Variants in AGMO observed in about 807,000 individuals in gnomAD.
AGMO encodes the protein alkylglycerol monooxygenase.
AGMO carries 75 observed loss-of-function variants against 60.2 expected under a neutral mutation model. That is an observed-to-expected ratio of 1.25 (90% confidence interval 1.03 to 1.51). The LOEUF is 1.51. Among genes scored for constraint, AGMO ranks in the 40% most tolerant of loss-of-function variants. AGMO has a pLI of 0.00. For synonymous variants in AGMO, 261 were observed against 177.1 expected (o/e 1.47, Z -3.76); for missense variants, 763 against 525.5 (o/e 1.45, Z -4.42).
At chr7:15,185,330 T>C in the AGMO span, among the ~76,000 whole-genome samples, 1 of 152,182 alleles carries the variant, frequency 6.6e-6, no homozygotes, top group African/African-American at 2.4e-5. Context: ...TACTGGCCTT[T>C]CCACTTGCCT....
At chr7:15,293,829 A>C (rs1784340510) in intron 12 of AGMO, among the ~76,000 whole-genome samples, 1 of 152,210 alleles carries the variant, frequency 6.6e-6, no homozygotes, top group East Asian at 1.9e-4. Context: ...CCCAATTTTA[A>C]ATACTTCTGT....
At chr7:15,527,629 A>G (rs989017095) in intron 3 of AGMO, among the ~76,000 whole-genome samples, 2 of 152,220 alleles carry the variant, frequency 1.3e-5, no homozygotes, top group African/African-American at 2.4e-5. Context: ...GCACTAAACA[A>G]TAGATTTTCA....
chr7:15,535,153 G>T (rs1313668360), intron 3 of AGMO, among the ~76,000 whole-genome samples: 1 of 151,736 alleles, frequency 6.6e-6, no homozygotes, highest in East Asian at 1.9e-4. Flanking sequence ...CAGGCAGTTT[G>T]GTTCCAGAGT....
intron 4 of AGMO, among the ~76,000 whole-genome samples, chr7:15,425,297 A>G (rs141215230): frequency 6.6e-6 from 1 of 152,088 alleles, no homozygotes; most frequent in Non-Finnish European, 1.5e-5. Context: ...ATAAATGAAT[A>G]TATTTTTAAA....
At chr7:15,143,213 A>G in the AGMO span, among the ~76,000 whole-genome samples, 4 of 152,358 alleles carry the variant, frequency 2.6e-5, no homozygotes, top group African/African-American at 9.6e-5. Flanking sequence ...CGTGAAATTG[A>G]TGAGTGGAAA....
At chr7:15,507,527 G>A (rs997895951) in intron 3 of AGMO, among the ~76,000 whole-genome samples, 9 of 151,978 alleles carry the variant, frequency 5.9e-5, no homozygotes, top group African/African-American at 1.9e-4. Context: ...AGAGAGACAC[G>A]ATGCCTTCAA....
At chr7:15,174,941 A>C in the AGMO span, among the ~76,000 whole-genome samples, 1 of 151,936 alleles carries the variant, frequency 6.6e-6, no homozygotes, top group Non-Finnish European at 1.5e-5. Flanking sequence ...TTTATTGTTT[A>C]ATGTTCAATA....
At chr7:15,441,795 G>C (rs953099735) in intron 3 of AGMO, among the ~76,000 whole-genome samples, 1 of 152,078 alleles carries the variant, frequency 6.6e-6, no homozygotes. Flanking sequence ...AAAACAACCA[G>C]GAATTCTTAG....
chr7:15,461,765 G>A (rs1782149205), intron 3 of AGMO, among the ~76,000 whole-genome samples: 1 of 152,008 alleles, frequency 6.6e-6, no homozygotes, highest in South Asian at 2.1e-4. Context: ...TCTTTGGGGG[G>A]CTGAAAAGCC....
At chr7:15,348,145 G>A (rs1583437208) in intron 12 of AGMO, among the ~76,000 whole-genome samples, 1 of 151,942 alleles carries the variant, frequency 6.6e-6, no homozygotes, top group Admixed American at 6.6e-5. Flanking sequence ...AATCCCTATT[G>A]ACATGTAATC....
chr7:15,241,909 T>C (rs527730278), intron 12 of AGMO, among the ~76,000 whole-genome samples: 1 of 152,220 alleles, frequency 6.6e-6, no homozygotes, highest in African/African-American at 2.4e-5. Context: ...TTCCTTGAGG[T>C]TACGACTGAG....
In AGMO at chr7:15,305,628, T is replaced by A. The variant is rs566021467; in HGVS notation, c.1263+59886A>T. ...CAAAATTACATTCCTATATATATAT[T>A]TATATGATTTGGCTGTATATCTGAT... On this transcript the variant is annotated intron_variant, in intron 12 of 12. Transcript: ENST00000342526. 3.3e-5 allele frequency among the ~76,000 whole-genome samples: 5 copies of A among 152,136 alleles called. No homozygotes were observed. The East Asian group carries it at 7.7e-4, about 23-fold the overall frequency.
intron 12 of AGMO, among the ~76,000 whole-genome samples, chr7:15,309,694 CTATT>C (rs1215077607): frequency 6.6e-6 from 1 of 151,924 alleles, no homozygotes; most frequent in Non-Finnish European, 1.5e-5. Context: ...CTAAAATAGA[CTATT>C]AGAGAGAAAA....
chr7:15,130,201 C>T, the AGMO span, among the ~76,000 whole-genome samples: 14 of 151,980 alleles, frequency 9.2e-5, no homozygotes, highest in African/African-American at 3.1e-4. Context: ...TAATGATTTT[C>T]AAATTATTAT....
intron 3 of AGMO, among the ~76,000 whole-genome samples, chr7:15,540,912 C>T (rs1004173502): frequency 7.2e-5 from 11 of 152,106 alleles, no homozygotes; most frequent in East Asian, 5.8e-4. Context: ...TACAAATATA[C>T]GCACTCATGT....
intron 3 of AGMO, among the ~76,000 whole-genome samples, chr7:15,432,644 G>C (rs1033537419): frequency 6.6e-6 from 1 of 151,770 alleles, no homozygotes; most frequent in African/African-American, 2.4e-5. Context: ...ATCAACCACA[G>C]CAGATATGTA....
chr7:15,472,538 A>G (rs922958620), intron 3 of AGMO, among the ~76,000 whole-genome samples: 1 of 151,932 alleles, frequency 6.6e-6, no homozygotes, highest in African/African-American at 2.4e-5. Context: ...TCTCAACTTT[A>G]TACATGAAAA....
chr7:15,365,446 C>T, intron 12 of AGMO, 68 bp downstream of exon 12: 1 of 909,296 alleles, frequency 1.1e-6, no homozygotes, highest in Non-Finnish European at 1.6e-6. Flanking sequence ...AGAAAACATC[C>T]TTGAATGAAT....
chr7:15,358,437 G>C (rs1037211674), intron 12 of AGMO: 1 of 470,978 alleles, frequency 2.1e-6, no homozygotes, highest in Non-Finnish European at 4.4e-6. Context: ...AAGACAAGTA[G>C]GGTGTTTCCT....
Sources: gnomAD v4.1 joint callset for allele counts (sites outside exome capture counted in the v4.1 genomes callset) on GRCh38, gnomAD v4.1.1 for gene constraint, MANE v1.5 for transcripts, NCBI Gene and HGNC (gene_info 2026-07-23, HGNC 2026-07-21) for gene names.